Variants in CAND1 observed in about 807,000 individuals in gnomAD.
The protein encoded by CAND1 is cullin associated and neddylation dissociated 1.
Under a neutral mutation model 108.5 loss-of-function variants are expected in CAND1, and 7 were observed. The observed-to-expected ratio is 0.06, with a 90% confidence interval of 0.04 to 0.12. CAND1 has a LOEUF of 0.12. CAND1 is among the 10% of genes least tolerant of loss of function. CAND1 has a pLI of 1.00. For missense variants in CAND1, 941 were observed against 1,448.7 expected (o/e 0.65, Z 5.69); for synonymous variants, 534 against 512.0 (o/e 1.04, Z -0.58).
At chr12:67,294,899 G>A (rs2044754686) in intron 3 of CAND1, 134 bp from the exon 4 acceptor site, 4 of 785,328 alleles carry the variant, frequency 5.1e-6, no homozygotes, top group Non-Finnish European at 7.6e-6. Context: ...TTTGAAAGAT[G>A]TGTTTTTCTG....
intron 2 of CAND1, among the ~76,000 whole-genome samples, chr12:67,289,412 A>G (rs2044701984): frequency 6.6e-6 from 1 of 151,986 alleles, no homozygotes; most frequent in Admixed American, 6.6e-5. Flanking sequence ...TTTTTAAGGC[A>G]GGGTCTCAAC....
At chr12:67,288,031 A>G (rs1198526661) in intron 2 of CAND1, among the ~76,000 whole-genome samples, 2 of 151,748 alleles carry the variant, frequency 1.3e-5, no homozygotes, top group Non-Finnish European at 2.9e-5. Flanking sequence ...GTCTTGGCAA[A>G]TATTTTATAT....
chr12:67,292,642 A>C lies in CAND1; in HGVS notation c.233A>C (p.Lys78Thr). The change falls in exon 3 of 15, where the codon AAA becomes ACA. Residue 78 changes from lysine (K) to threonine (T), a missense_variant. By Grantham distance (78) the Lys-to-Thr change is moderately conservative. This residue lies in a region of CAND1 where 44 missense variants were observed against 129.1 expected (regional missense o/e 0.34). Transcript: ENST00000545606. ...AVKCLGPLVS[K>T]VKEYQVETIV... ...TACAGTCTTGGTCCTTTAGTGAGTA[A>C]AGTGAAAGAATACCAAGTAGAGACA... 1 of 1,611,228 alleles carries C rather than the reference A, an allele frequency of 6.2e-7. No individual in the cohort carries two copies. The highest frequency in any genetic ancestry group is 8.5e-7 in the Non-Finnish European group (1 of 1,179,016).
chr12:67,286,064 G>A (rs1040280684), intron 2 of CAND1, among the ~76,000 whole-genome samples: 3 of 152,134 alleles, frequency 2.0e-5, no homozygotes, highest in African/African-American at 7.2e-5. Context: ...CTGGAGTGCA[G>A]TGGCTGGATC....
At chr12:67,300,704 A>T (rs970232425) in intron 7 of CAND1, among the ~76,000 whole-genome samples, 1 of 152,248 alleles carries the variant, frequency 6.6e-6, no homozygotes, top group South Asian at 2.1e-4. Context: ...TATAAGTTTC[A>T]TGAAGGCTAG....
chr12:67,294,973 A>G (rs914379070), intron 3 of CAND1, 60 bp from the exon 4 acceptor site: 16 of 1,565,886 alleles, frequency 1.0e-5, no homozygotes, highest in African/African-American at 1.4e-5. Flanking sequence ...ACTACCATGA[A>G]TATAAGAGGG....
rs199596677 is a variant in CAND1 at position 67,315,460 on chromosome 12, A to AG, written c.*2630_*2631insG. 2.1e-3 allele frequency: 324 copies of AG among 151,954 alleles called. 5 individuals carry two copies. In the East Asian group the frequency reaches 0.025, roughly 12 times the overall value. The allele number at this position is 151,954 out of a possible 1,614,324, so 9.4% of individuals were successfully genotyped here. A position where few individuals can be genotyped will look rare whatever the true frequency, so the allele number is the denominator to read the frequency against. Reference sequence around the variant, plus strand: ...AGCGAGAGTCTGTCTCAAAAAAAAAAAAAAAAAAAAGGCAGGAAGGAAATT... The same window carrying AG: ...AGCGAGAGTCTGTCTCAAAAAAAAAAGAAAAAAAAAAGGCAGGAAGGAAATT... On this transcript the variant is annotated 3_prime_UTR_variant, in exon 15 of 15. Coordinates refer to ENST00000545606, the MANE Select transcript of CAND1 (RefSeq NM_018448.5).
At chr12:67,288,097 C>G (rs1172191135) in intron 2 of CAND1, among the ~76,000 whole-genome samples, 3 of 148,998 alleles carry the variant, frequency 2.0e-5, no homozygotes. Flanking sequence ...AGTGTCAGGT[C>G]AAGGTATTTG....
Position 67,305,003 on chromosome 12 carries a change from T to TAATGAAG in CAND1, c.1436-100_1436-94dup, listed in dbSNP as rs2044864189. 1 of 1,005,496 alleles carries TAATGAAG rather than the reference T, an allele frequency of 9.9e-7. No homozygotes were observed. 62.3% of individuals were successfully genotyped at this position (1,005,496 alleles called of 1,614,324 possible). A position where few individuals can be genotyped will look rare whatever the true frequency, so the allele number is the denominator to read the frequency against. The stretch of plus-strand genomic sequence containing the variant: ...AAAATTTCTACTTATAGAAATAATA[T>TAATGAAG]AATGAAGTGGGAACATTAGCAGTAC... On this transcript the variant is annotated intron_variant, in intron 9 of 14. Coordinates refer to ENST00000545606, the MANE Select transcript of CAND1 (RefSeq NM_018448.5). This position sits in a 1 kb window ranked among gnomAD's most constrained non-coding sequence, Gnocchi z 4.4.
chr12:67,294,260 C>G (rs983626843), intron 3 of CAND1, among the ~76,000 whole-genome samples: 1 of 152,026 alleles, frequency 6.6e-6, no homozygotes, highest in South Asian at 2.1e-4. Flanking sequence ...TTTTTCTTCT[C>G]TCATCAGTAA....
chr12:67,269,739 A>G lies in CAND1; in HGVS notation c.22A>G (p.Ile8Val). Residue 8 changes from isoleucine (I) to valine (V), a missense_variant, in exon 1 of 15, where the codon ATT (isoleucine) becomes GTT (valine). Transcript: ENST00000545606. MASASYH[I>V]SNLLEKMTSS... ...CAACATGGCGAGCGCCTCGTACCAC[A>G]TTTCCAATTTGCTGGAAAAAATGAC... 6.2e-7 allele frequency: 1 copy of G among 1,606,476 alleles called. No homozygotes were observed. Among genetic ancestry groups the G allele is most frequent in the Non-Finnish European group, 8.5e-7 (1 of 1,177,628 alleles).
chr12:67,300,984 G>A (rs1053485580), intron 7 of CAND1, among the ~76,000 whole-genome samples: 1 of 151,928 alleles, frequency 6.6e-6, no homozygotes, highest in African/African-American at 2.4e-5. Flanking sequence ...GTGTTTTTGT[G>A]ATTTATAAAA....
chr12:67,298,681 T>G (rs1354079282), intron 6 of CAND1, among the ~76,000 whole-genome samples: 1 of 152,166 alleles, frequency 6.6e-6, no homozygotes, highest in Non-Finnish European at 1.5e-5. Context: ...TATATACCGA[T>G]TTCTGTCTAT....
rs528187194 is a variant in CAND1 at position 67,269,846 on chromosome 12, T to C, written c.68+61T>C. On this transcript the variant is annotated intron_variant, in intron 1 of 14. Coordinates refer to ENST00000545606, the MANE Select transcript of CAND1 (RefSeq NM_018448.5). ...GTTCTCGCAGCCGCGGCCCTGGCCG[T>C]CACGCAGGCCTTGCCCCACCCCTTC... 7.2e-5 allele frequency: 104 copies of C among 1,448,276 alleles called. 2 individuals are homozygous for C. In the South Asian group the frequency reaches 1.2e-3, roughly 16 times the overall value. The allele number at this position is 1,448,276 out of a possible 1,614,324, so 89.7% of individuals were successfully genotyped here.
intron 2 of CAND1, among the ~76,000 whole-genome samples, chr12:67,289,065 CTTT>C (rs1208547483): frequency 6.6e-6 from 1 of 151,962 alleles, no homozygotes; most frequent in Non-Finnish European, 1.5e-5. Context: ...TATGTATCTT[CTTT>C]ATTTCTTGTT....
At chr12:67,282,094 C>T in intron 2 of CAND1, 41 bp downstream of exon 2, 1 of 1,600,754 alleles carries the variant, frequency 6.2e-7, no homozygotes, top group South Asian at 1.1e-5. Flanking sequence ...TTCCTGCTCC[C>T]CCAACCCTGT....
intron 2 of CAND1, among the ~76,000 whole-genome samples, chr12:67,291,462 TG>T (rs2044721175): frequency 6.6e-6 from 1 of 152,222 alleles, no homozygotes; most frequent in South Asian, 2.1e-4. Flanking sequence ...GCAGGTTTAG[TG>T]TCCTTTATCT....
At chr12:67,307,308 C>A in intron 10 of CAND1, 89 bp from the exon 11 acceptor site, 1 of 843,366 alleles carries the variant, frequency 1.2e-6, no homozygotes, top group Non-Finnish European at 2.0e-6. Context: ...GCATTGAAGA[C>A]ACTGGTGTTA....
rs1297080750 is a variant in CAND1 at position 67,312,920 on chromosome 12, A to G, written c.*90A>G. 3 of 814,768 alleles carry G rather than the reference A, an allele frequency of 3.7e-6. No individual in the cohort carries two copies. The highest frequency in any genetic ancestry group is 2.9e-5 in the Admixed American group (1 of 34,654). The allele number at this position is 814,768 out of a possible 1,614,324, so 50.5% of individuals were successfully genotyped here. A position where few individuals can be genotyped will look rare whatever the true frequency, so the allele number is the denominator to read the frequency against. On this transcript the variant is annotated 3_prime_UTR_variant, in exon 15 of 15. Coordinates refer to ENST00000545606, the MANE Select transcript of CAND1 (RefSeq NM_018448.5). Reference sequence around the variant, plus strand: ...ATAAGACATGGAAAGAGAAGTGTCTAAAAGCTTCAAAATGTTCCACTTTTT... The same window carrying G: ...ATAAGACATGGAAAGAGAAGTGTCTGAAAGCTTCAAAATGTTCCACTTTTT...
Sources: gnomAD v4.1 joint callset for allele counts (sites outside exome capture counted in the v4.1 genomes callset) on GRCh38, gnomAD v4.1.1 for gene constraint, gnomAD v4.1.1 regional missense constraint, Gnocchi (gnomAD v3.1) non-coding constraint, MANE v1.5 for transcripts, NCBI Gene and HGNC (gene_info 2026-07-23, HGNC 2026-07-21) for gene names.